Variants in SETDB2 observed in about 807,000 individuals in gnomAD.
The protein encoded by SETDB2 is histone-lysine N-methyltransferase SETDB2.
SETDB2 carries 56 observed loss-of-function variants against 82.5 expected under a neutral mutation model. The ratio of observed to expected loss-of-function variants is 0.68; its 90% CI spans 0.55 to 0.85. The LOEUF (loss-of-function observed/expected upper bound fraction) is 0.85. Among genes scored for constraint, SETDB2 ranks in the 40% least tolerant of loss-of-function variants. The pLI, the probability that SETDB2 is intolerant of heterozygous loss-of-function variation, is 0.00. For synonymous variants in SETDB2, 272 were observed against 284.9 expected, an observed-to-expected ratio of 0.95 and a Z score of 0.46; for missense variants, 677 against 816.4, an observed-to-expected ratio of 0.83 and a Z score of 2.08.
At chr13:49,476,420 A>T (rs527694809) in intron 5 of SETDB2, 56 bp from the exon 6 acceptor site, 13 of 1,174,028 alleles carry the variant, frequency 1.1e-5, no homozygotes, top group African/African-American at 6.2e-5. Context: ...TAGTTTTTTT[A>T]AAATGAGGAA....
chr13:49,460,690 G>A (rs796096016), intron 3 of SETDB2, among the ~76,000 whole-genome samples: 4 of 152,222 alleles, frequency 2.6e-5, no homozygotes, highest in South Asian at 4.1e-4. Flanking sequence ...GTTGTAGAAC[G>A]TAAGACTTGA....
chr13:49,468,858 A>G (rs1159257177), intron 5 of SETDB2, among the ~76,000 whole-genome samples: 1 of 152,020 alleles, frequency 6.6e-6, no homozygotes, highest in Non-Finnish European at 1.5e-5. Context: ...TGGCCATTTC[A>G]GTGGCTCACA....
chr13:49,451,805 C>T lies in SETDB2; in HGVS notation c.-89C>T. ...TGAGGACTGCAAATTTTATAGAGAC[C>T]ACAGTTGGATTCCAGTGATATTCTG... On this transcript the variant is annotated 5_prime_UTR_variant, in exon 2 of 14. Coordinates refer to ENST00000611815, the MANE Select transcript of SETDB2 (RefSeq NM_001160308.3). 9.8e-7 allele frequency: 1 copy of T among 1,019,880 alleles called. No homozygotes were observed. Among genetic ancestry groups the T allele is most frequent in the East Asian group, 2.7e-5 (1 of 37,218 alleles). 63.2% of individuals were successfully genotyped at this position (1,019,880 alleles called of 1,614,324 possible).
chr13:49,485,897 G>A (rs1958588574), intron 11 of SETDB2, 174 bp downstream of exon 11: 1 of 745,030 alleles, frequency 1.3e-6, no homozygotes, highest in East Asian at 2.5e-5. Flanking sequence ...GCCAAATCTG[G>A]CCCTCTACCT....
At chr13:49,465,814 G>A (rs1412615028) in intron 4 of SETDB2, among the ~76,000 whole-genome samples, 1 of 152,188 alleles carries the variant, frequency 6.6e-6, no homozygotes, top group Non-Finnish European at 1.5e-5. Context: ...TAGGATTACA[G>A]GTGTGAGCCA....
rs2138892771 is a variant in SETDB2, at chr13:49,468,005, A to G, written c.305+45A>G. The G allele has an allele frequency of 3.6e-6, 5 of 1,383,698 alleles. No individual in the cohort carries two copies. In the East Asian group the frequency reaches 7.2e-5, roughly 20 times the overall value. The allele number at this position is 1,383,698 out of a possible 1,614,324, so 85.7% of individuals were successfully genotyped here. ...GTTATTAATGCTTTTGCTCCTACAG[A>G]TTTCTTCTTTATAAATCACTTGACA... On this transcript the variant is annotated intron_variant, in intron 5 of 13. Coordinates refer to ENST00000611815, the MANE Select transcript of SETDB2 (RefSeq NM_001160308.3).
At chr13:49,481,607 A>G (rs958063514) in intron 8 of SETDB2, among the ~76,000 whole-genome samples, 20 of 152,232 alleles carry the variant, frequency 1.3e-4, no homozygotes, top group Non-Finnish European at 5.9e-5. Flanking sequence ...GGGACTGCAG[A>G]GAGTTGTCCA....
At chr13:49,478,034 C>A (rs888229342) in intron 6 of SETDB2, among the ~76,000 whole-genome samples, 2 of 152,008 alleles carry the variant, frequency 1.3e-5, no homozygotes, top group South Asian at 4.2e-4. Flanking sequence ...TAATTTAATG[C>A]AAATTTAGCT....
In SETDB2 at chr13:49,469,258, A is replaced by G. The variant is rs1378558434; in HGVS notation, c.305+1298A>G. Among the ~76,000 whole-genome samples the G allele has an allele frequency of 3.3e-5, 5 of 152,166 alleles. No individual in the cohort carries two copies. The East Asian group carries it at 9.6e-4, about 29-fold the overall frequency. ...ATAAAAACCTTGTGGCTGGCTCACT[A>G]CTAGACATTCTTTTTATTACGCTTC... On this transcript the variant is annotated intron_variant, in intron 5 of 13. Transcript: ENST00000611815.
At chr13:49,461,017 T>G in intron 3 of SETDB2, 80 bp from the exon 4 acceptor site, 1 of 1,081,820 alleles carries the variant, frequency 9.2e-7, no homozygotes, top group South Asian at 1.5e-5. Flanking sequence ...TTAAATGAGA[T>G]AAAATATGTA....
chr13:49,486,033 A>G (rs548091772), intron 11 of SETDB2, among the ~76,000 whole-genome samples: 71 of 152,200 alleles, frequency 4.7e-4, no homozygotes, highest in African/African-American at 1.7e-3. Flanking sequence ...CCAGAAATAA[A>G]GTTTTGGCCA....
intron 1 of SETDB2, among the ~76,000 whole-genome samples, chr13:49,449,746 A>G (rs1026487675): frequency 6.6e-6 from 1 of 152,140 alleles, no homozygotes; most frequent in Non-Finnish European, 1.5e-5. Context: ...AAAAGAACAT[A>G]ATCTCTCATG....
intron 3 of SETDB2, 104 bp downstream of exon 3, chr13:49,460,336 A>G (rs1469898686): frequency 1.7e-6 from 2 of 1,195,520 alleles, no homozygotes; most frequent in Non-Finnish European, 2.3e-6. Context: ...AAGTAGATGG[A>G]TGTAATTACT....
In SETDB2 at chr13:49,477,568, C is replaced by T. The variant is rs1053210276; in HGVS notation, c.869+529C>T. Among the ~76,000 whole-genome samples, 3 of 152,154 alleles carry T rather than the reference C, an allele frequency of 2.0e-5. No homozygotes were observed. The South Asian group carries it at 6.2e-4, about 32-fold the overall frequency. ...CATTTCTTCCAAGAATGCATATTTC[C>T]TTTAATCTAGTACTAATACATTAAA... is the stretch of plus-strand genomic sequence containing the variant. On this transcript the variant is annotated intron_variant, in intron 6 of 13. Coordinates refer to ENST00000611815, the MANE Select transcript of SETDB2 (RefSeq NM_001160308.3).
At chr13:49,480,859 T>A in intron 7 of SETDB2, 88 bp from the exon 8 acceptor site, 11 of 1,394,436 alleles carry the variant, frequency 7.9e-6, no homozygotes, top group Non-Finnish European at 8.9e-6. Context: ...TTTAGCCTGC[T>A]TCCCTCAGTA....
At chr13:49,489,917 CCT>C (rs780872687) in intron 12 of SETDB2, among the ~76,000 whole-genome samples, 1,339 of 49,144 alleles carry the variant, frequency 0.027, 78 homozygotes, top group East Asian at 0.19. Context: ...GCCCCCCCCC[CCT>C]TTTTTTTTTA....
intron 5 of SETDB2, 53 bp downstream of exon 5, chr13:49,468,013 T>C: frequency 1.5e-6 from 2 of 1,302,900 alleles, no homozygotes; most frequent in Admixed American, 2.3e-5. Flanking sequence ...AGATTTCTTC[T>C]TTATAAATCA....
chr13:49,488,540 T>C lies in SETDB2; in HGVS notation c.1827T>C (p.Asn609=). 1 of 1,613,804 alleles carries C rather than the reference T, an allele frequency of 6.2e-7. No homozygotes were observed. The highest frequency in any genetic ancestry group is 8.5e-7 in the Non-Finnish European group (1 of 1,179,892). ...AAGAGTTGCTAAGTGAAACCAAGAA[T>C]ACTTCATCTGATTCTCTAACAAAGT... ...CDEELLSETK[N]TSSDSLTKFN... Residue 609 remains asparagine, a synonymous_variant, in exon 12 of 14, where the codon AAT becomes AAC. Coordinates refer to ENST00000611815, the MANE Select transcript of SETDB2 (RefSeq NM_001160308.3).
chr13:49,467,373 C>T (rs1255660003), intron 4 of SETDB2, among the ~76,000 whole-genome samples: 2 of 146,224 alleles, frequency 1.4e-5, no homozygotes, highest in African/African-American at 2.6e-5. Flanking sequence ...CCACCCTGGG[C>T]GACAGAGTGA....
Sources: allele counts gnomAD v4.1 joint callset (sites outside exome capture counted in the v4.1 genomes callset), GRCh38; gene constraint gnomAD v4.1.1; transcripts MANE v1.5; gene names NCBI Gene and HGNC (gene_info 2026-07-23, HGNC 2026-07-21).